UBN1: variants seen among roughly 807,000 people sequenced by gnomAD.
UBN1 encodes the protein ubinuclein 1.
Under a neutral mutation model 108.5 loss-of-function variants are expected in UBN1, and 17 were observed. The observed-to-expected ratio is 0.16, with a 90% confidence interval of 0.11 to 0.24. The LOEUF (loss-of-function observed/expected upper bound fraction) is 0.24. Among genes scored for constraint, UBN1 ranks in the 10% least tolerant of loss-of-function variants. The pLI is 1.00. For missense variants in UBN1, 1,595 were observed against 1,394.4 expected (o/e 1.14, Z -2.29); for synonymous variants, 726 against 564.2 (o/e 1.29, Z -4.07).
intron 7 of UBN1, among the ~76,000 whole-genome samples, chr16:4,861,554 G>A (rs1266729595): frequency 2.6e-5 from 4 of 152,346 alleles, no homozygotes; most frequent in East Asian, 3.9e-4. Flanking sequence ...GCTCCCTTGC[G>A]TTGTGTATCC....
intron 1 of UBN1, among the ~76,000 whole-genome samples, chr16:4,851,445 G>A (rs1175178962): frequency 4.6e-5 from 7 of 151,864 alleles, no homozygotes; most frequent in Non-Finnish European, 1.0e-4. Context: ...GTGAGACCTT[G>A]TCTCAAAAAA....
chr16:4,873,142 C>T, intron 14 of UBN1, 69 bp downstream of exon 14: 1 of 1,598,008 alleles, frequency 6.3e-7, no homozygotes. Context: ...TGGAAACAGT[C>T]AAGTGACTGT....
Position 4,874,770 on chromosome 16 carries a change from C to T in UBN1, c.2360C>T (p.Pro787Leu), listed in dbSNP as rs750151514. The T allele has an allele frequency of 1.8e-4, 295 of 1,613,982 alleles. No individual in the cohort carries two copies. Among genetic ancestry groups the T allele is most frequent in the Non-Finnish European group, 2.5e-4 (291 of 1,180,046 alleles). ...TCCAAAGCTAAGCACCACAGCTTGC[C>T]ACGGACGTCTCACGGGCCCCAAGTG... Reference protein sequence around the residue: ...HQSKAKHHSLPRTSHGPQVAV... With the variant: ...HQSKAKHHSLLRTSHGPQVAV... The change falls in exon 15 of 18, where the codon CCA becomes CTA. Residue 787 changes from proline (P) to leucine (L), a missense_variant. Pro to Leu is a moderately conservative substitution (Grantham distance 98, BLOSUM62 -3). Transcript: ENST00000262376.
intron 1 of UBN1, among the ~76,000 whole-genome samples, chr16:4,849,085 C>T (rs777911774): frequency 6.6e-6 from 1 of 151,988 alleles, no homozygotes; most frequent in Non-Finnish European, 1.5e-5. Context: ...GGCGACAGAG[C>T]GAGCGAGACT....
chr16:4,858,560 C>T lies in UBN1; in HGVS notation c.337-8C>T, dbSNP rs1164490073. The stretch of plus-strand genomic sequence containing the variant: ...AAAAGCATGTAATCTATTGCTTTCA[C>T]ATTTTAGGGTGGAAAGAAACGTAGA... On this transcript the variant is annotated splice_region_variant and splice_polypyrimidine_tract_variant and intron_variant, in intron 3 of 17. Coordinates refer to ENST00000262376, the MANE Select transcript of UBN1 (RefSeq NM_001079514.3). 6.2e-7 allele frequency: 1 copy of T among 1,613,334 alleles called. No homozygotes were observed. Among genetic ancestry groups the T allele is most frequent in the Non-Finnish European group, 8.5e-7 (1 of 1,179,342 alleles).
rs988508183 is a variant in UBN1, at chr16:4,877,145, G to C, written c.3265+34G>C. ...TTCTTTGCTGCCTCTGGTCACTCAG[G>C]AACCTCTAGATTGTGGCCAGGGGTC... On this transcript the variant is annotated intron_variant, in intron 16 of 17. Transcript: ENST00000262376. The surrounding 1 kb of genome is among the most constrained non-coding windows in gnomAD (Gnocchi z 4.3). 6.3e-7 allele frequency: 1 copy of C among 1,577,242 alleles called. No homozygotes were observed. The highest frequency in any genetic ancestry group is 8.6e-7 in the Non-Finnish European group (1 of 1,163,990).
At chr16:4,863,974 A>G (rs2087194090) in intron 7 of UBN1, among the ~76,000 whole-genome samples, 1 of 151,472 alleles carries the variant, frequency 6.6e-6, no homozygotes, top group South Asian at 2.1e-4. Context: ...AAATCACAAG[A>G]GCCGCCCAGA....
At chr16:4,866,807 G>A (rs933615604) in intron 7 of UBN1, among the ~76,000 whole-genome samples, 6 of 152,130 alleles carry the variant, frequency 3.9e-5, no homozygotes, top group Non-Finnish European at 8.8e-5. Flanking sequence ...CCACCGCGCC[G>A]GGCCAAGGTT....
intron 8 of UBN1, 70 bp downstream of exon 8, chr16:4,868,973 G>T: frequency 6.5e-7 from 1 of 1,532,356 alleles, no homozygotes; most frequent in Non-Finnish European, 9.0e-7. Flanking sequence ...AAGCCAGCTA[G>T]GGGACAGTGG....
At position 4,853,003 on chromosome 16, in the gene UBN1, C is replaced by G; in HGVS notation, c.86C>G (p.Ala29Gly). ...TTGAAGAAGTCCCGGAAGGAGGAGGCTGGGGCAGGAGAACAGCATCAGGAC... is the reference window on the plus strand; with the variant it reads ...TTGAAGAAGTCCCGGAAGGAGGAGGGTGGGGCAGGAGAACAGCATCAGGAC... ...AFLKKSRKEE[A>G]GAGEQHQDCE... The change falls in exon 2 of 18, where the codon GCT becomes GGT. Residue 29 changes from alanine (A) to glycine (G), a missense_variant. Transcript: ENST00000262376. The G allele has an allele frequency of 1.5e-5, 24 of 1,614,228 alleles. No homozygotes were observed. The highest frequency in any genetic ancestry group is 1.9e-5 in the Non-Finnish European group (23 of 1,180,044).
At chr16:4,854,742 A>G (rs2086717231) in intron 2 of UBN1, among the ~76,000 whole-genome samples, 1 of 147,288 alleles carries the variant, frequency 6.8e-6, no homozygotes, top group Non-Finnish European at 1.5e-5. Context: ...TTTTTTTTTG[A>G]GACAGAGTCT....
At chr16:4,871,023 C>T (rs1456132079) in intron 11 of UBN1, 51 bp downstream of exon 11, 1 of 1,609,616 alleles carries the variant, frequency 6.2e-7, no homozygotes, top group African/African-American at 1.3e-5. Flanking sequence ...GGGGCAGTGT[C>T]TGAGCACGTC....
chr16:4,872,822 C>A, intron 12 of UBN1, 62 bp from the exon 13 acceptor site: 1 of 1,598,770 alleles, frequency 6.3e-7, no homozygotes, highest in Non-Finnish European at 8.6e-7. Context: ...TAGCAAAGTT[C>A]TGGAAGCAGA....
At position 4,876,811 on chromosome 16, in the gene UBN1, G is replaced by T. The variant is rs1319312228; in HGVS notation, c.3025-60G>T. The T allele has an allele frequency of 1.7e-5, 26 of 1,526,060 alleles. No homozygotes were observed. In the Admixed American group the frequency reaches 5.2e-4, roughly 30 times the overall value. 94.5% of individuals were successfully genotyped at this position (1,526,060 alleles called of 1,614,324 possible). On this transcript the variant is annotated intron_variant, in intron 15 of 17. Coordinates refer to ENST00000262376, the MANE Select transcript of UBN1 (RefSeq NM_001079514.3). ...GAGGATCCTTTGTGTTGCCAGGTTT[G>T]GTGTGAGTGAGCCACGAACAGGACT...
intron 12 of UBN1, among the ~76,000 whole-genome samples, chr16:4,871,629 TG>T (rs1408580934): frequency 7.1e-6 from 1 of 140,376 alleles, no homozygotes; most frequent in African/African-American, 2.7e-5. Context: ...CTCTGTTGCC[TG>T]GGCTGGAGTG....
chr16:4,853,553 TTTTC>T (rs1410686909), intron 2 of UBN1, among the ~76,000 whole-genome samples: 1 of 151,752 alleles, frequency 6.6e-6, no homozygotes, highest in Non-Finnish European at 1.5e-5. Flanking sequence ...GCCTTTTTTT[TTTTC>T]TTTCTTTTTT....
intron 15 of UBN1, 68 bp from the exon 16 acceptor site, chr16:4,876,803 C>G: frequency 6.6e-7 from 1 of 1,520,222 alleles, no homozygotes; most frequent in Non-Finnish European, 8.8e-7. Context: ...CTTTGTGTTG[C>G]CAGGTTTGGT....
intron 7 of UBN1, among the ~76,000 whole-genome samples, chr16:4,864,761 C>CA (rs1022652887): frequency 6.6e-5 from 10 of 152,160 alleles, no homozygotes; most frequent in African/African-American, 1.9e-4. Context: ...GAGCAGGAAT[C>CA]AAAGAGACCC....
chr16:4,859,311 A>G (rs1035660641), intron 5 of UBN1, 152 bp downstream of exon 5: 2 of 1,106,280 alleles, frequency 1.8e-6, no homozygotes, highest in African/African-American at 1.6e-5. Context: ...CGCCTCTTAC[A>G]CGTGTGCCCT....
Sources: gnomAD v4.1 joint callset for allele counts (sites outside exome capture counted in the v4.1 genomes callset) on GRCh38, gnomAD v4.1.1 for gene constraint, Gnocchi (gnomAD v3.1) non-coding constraint, MANE v1.5 for transcripts, NCBI Gene and HGNC (gene_info 2026-07-23, HGNC 2026-07-21) for gene names.